The following PTPRS variants were observed in gnomAD, a reference collection of about 807,000 sequenced individuals.
The protein encoded by PTPRS is receptor-type tyrosine-protein phosphatase S.
In PTPRS, 63 loss-of-function variants were observed where a neutral mutation model predicts 215.3. The ratio of observed to expected loss-of-function variants is 0.29; its 90% CI spans 0.24 to 0.36. PTPRS has a LOEUF of 0.36. Among genes scored for constraint, PTPRS ranks in the 10% least tolerant of loss-of-function variants. PTPRS has a pLI of 1.00. For synonymous variants in PTPRS, 1,404 were observed against 1,191.4 expected (o/e 1.18, Z -3.68); for missense variants, 2,258 against 2,825.8 (o/e 0.80, Z 4.56).
Position 5,211,272 on chromosome 19 carries a change from C to A in PTPRS, c.5234+318G>T, listed in dbSNP as rs2040853583. On this transcript the variant is annotated intron_variant, in intron 33 of 37. Transcript: ENST00000262963. ...CTGTGTACTGTAGGATGCTGAGCAG[C>A]ATGCCTGGTCCCCACCCAGGCAGTA... 1.3e-5 allele frequency among the ~76,000 whole-genome samples: 2 copies of A among 152,182 alleles called. 1 individual carries two copies. Among genetic ancestry groups the A allele is most frequent in the Admixed American group, 1.3e-4 (2 of 15,282 alleles).
intron 25 of PTPRS, 24 bp from the exon 26 acceptor site, chr19:5,216,791 A>G: frequency 6.6e-7 from 1 of 1,523,664 alleles, no homozygotes; most frequent in East Asian, 2.4e-5. Flanking sequence ...ACAATAAATA[A>G]ATGAAAACAT....
chr19:5,284,273 T>G (rs1390883919), intron 2 of PTPRS, among the ~76,000 whole-genome samples: 1 of 151,792 alleles, frequency 6.6e-6, no homozygotes, highest in East Asian at 1.9e-4. Context: ...GGCAGGAGGA[T>G]CGCTTGAATC....
At chr19:5,297,930 T>C (rs1309326630) in intron 1 of PTPRS, among the ~76,000 whole-genome samples, 1 of 151,864 alleles carries the variant, frequency 6.6e-6, no homozygotes, top group Non-Finnish European at 1.5e-5. Context: ...GTAGCTGGGA[T>C]TACAGGCGCA....
intron 18 of PTPRS, 140 bp from the exon 19 acceptor site, chr19:5,222,360 T>C: frequency 2.7e-6 from 2 of 747,146 alleles, no homozygotes; most frequent in Admixed American, 4.3e-5. Context: ...ACGGCCTTCC[T>C]GCCTGGCCCT....
Position 5,287,118 on chromosome 19 carries a change from T to C in PTPRS, c.-94-884A>G, listed in dbSNP as rs1337224883. Among the ~76,000 whole-genome samples the C allele has an allele frequency of 6.6e-6, 1 of 152,164 alleles. No homozygotes were observed. Among genetic ancestry groups the C allele is most frequent in the Non-Finnish European group, 1.5e-5 (1 of 68,030 alleles). On this transcript the variant is annotated intron_variant, in intron 1 of 37. Transcript: ENST00000262963. This position sits in a 1 kb window ranked among gnomAD's most constrained non-coding sequence, Gnocchi z 4.8. The stretch of plus-strand genomic sequence containing the variant: ...TGCTGACTTCACTGTTTCCTCTCGC[T>C]TGGAGGTACAGCCAGGCCAGCCAAG...
rs1275766540 is a variant in PTPRS at position 5,221,041 on chromosome 19, G to A, written c.3414C>T (p.Ile1138=). Residue 1138 remains isoleucine, a synonymous_variant, in exon 20 of 38, where the codon ATC becomes ATT. Coordinates refer to ENST00000262963, the MANE Select transcript of PTPRS (RefSeq NM_002850.4). ...TCTGGCCGTCAGGAAGATACACCATGATGAAGCCGTCAGCATCAGGCTTGG... is the reference window on the plus strand; with the variant it reads ...TCTGGCCGTCAGGAAGATACACCATAATGAAGCCGTCAGCATCAGGCTTGG... The part of the protein sequence containing the change: ...VAPKPDADGF[I]MVYLPDGQSP... The A allele has an allele frequency of 6.2e-6, 10 of 1,613,490 alleles. No individual in the cohort carries two copies. Among genetic ancestry groups the A allele is most frequent in the African/African-American group, 4.0e-5 (3 of 74,904 alleles).
At chr19:5,225,067 C>T (rs917063315) in intron 17 of PTPRS, among the ~76,000 whole-genome samples, 11 of 151,850 alleles carry the variant, frequency 7.2e-5, no homozygotes, top group Non-Finnish European at 1.3e-4. Flanking sequence ...CCTCCCCTTA[C>T]ATCTTCACGG....
At chr19:5,231,987 C>T (rs1260667623) in intron 13 of PTPRS, among the ~76,000 whole-genome samples, 24 of 152,198 alleles carry the variant, frequency 1.6e-4, no homozygotes, top group Admixed American at 1.5e-3. Flanking sequence ...TGCTTGGCAT[C>T]GTGCCAAGGG....
At position 5,261,494 on chromosome 19, in the gene PTPRS, G is replaced by A. The variant is rs1008098334; in HGVS notation, c.578-672C>T. Among the ~76,000 whole-genome samples, 101 of 152,174 alleles carry A rather than the reference G, an allele frequency of 6.6e-4. 6 individuals are homozygous for A. Among genetic ancestry groups the A allele is most frequent in the Non-Finnish European group, 3.1e-4 (21 of 68,038 alleles). On this transcript the variant is annotated intron_variant, in intron 6 of 37. Transcript: ENST00000262963. ...CTGCAAAGCAGGAAAAGGCGGCTCG[G>A]GGCTGGAACGTTACTCCCTCTGCTC... is the stretch of plus-strand genomic sequence containing the variant.
At chr19:5,217,691 G>A (rs2041609109) in intron 25 of PTPRS, among the ~76,000 whole-genome samples, 3 of 152,244 alleles carry the variant, frequency 2.0e-5, no homozygotes, top group Admixed American at 1.3e-4. Flanking sequence ...ATACGAAGTG[G>A]AGACCGGGTA....
chr19:5,247,711 G>A (rs1033476410), intron 9 of PTPRS, among the ~76,000 whole-genome samples: 4 of 151,946 alleles, frequency 2.6e-5, no homozygotes, highest in African/African-American at 9.7e-5. Context: ...TCTGGTCTAC[G>A]ATGCTGAGGA....
At chr19:5,305,272 A>G (rs79744078) in intron 1 of PTPRS, among the ~76,000 whole-genome samples, 4,278 of 152,268 alleles carry the variant, frequency 0.028, 173 homozygotes, top group South Asian at 0.16. Flanking sequence ...TTTGCCGAGC[A>G]TGGTGGCTCA....
intron 1 of PTPRS, among the ~76,000 whole-genome samples, chr19:5,297,323 A>C (rs1015659804): frequency 2.0e-5 from 3 of 152,214 alleles, no homozygotes; most frequent in African/African-American, 7.2e-5. Context: ...AATCAGCATA[A>C]AGAAGAAAAT....
At chr19:5,232,111 G>C (rs2043068081) in intron 13 of PTPRS, among the ~76,000 whole-genome samples, 1 of 151,692 alleles carries the variant, frequency 6.6e-6, no homozygotes, top group South Asian at 2.1e-4. Context: ...CAGGCACCAT[G>C]CCAAAGGGAA....
At chr19:5,241,949 C>T (rs2044076123) in intron 11 of PTPRS, among the ~76,000 whole-genome samples, 1 of 152,236 alleles carries the variant, frequency 6.6e-6, no homozygotes, top group Non-Finnish European at 1.5e-5. Context: ...GATTCACCTG[C>T]CTCAGCCTCT....
chr19:5,337,143 T>C (rs2050530571), intron 1 of PTPRS, among the ~76,000 whole-genome samples: 1 of 152,208 alleles, frequency 6.6e-6, no homozygotes. Context: ...AAATGGAGCT[T>C]AATGGGTAGC....
chr19:5,279,363 TTTC>T (rs1462093746), intron 2 of PTPRS, among the ~76,000 whole-genome samples: 18 of 151,724 alleles, frequency 1.2e-4, no homozygotes, highest in South Asian at 8.3e-4. Flanking sequence ...TATTTTATTT[TTTC>T]TTCTTCTTCT....
Position 5,212,484 on chromosome 19 carries a change from G to A in PTPRS, c.4622C>T (p.Ser1541Phe). Residue 1541 changes from serine to phenylalanine, a missense_variant, in exon 31 of 38, where the codon TCC becomes TTC. Physicochemically the swap from Ser to Phe is radical, Grantham distance 155. This residue lies in a region of PTPRS where 927 missense variants were observed against 1,125.9 expected (regional missense o/e 0.82). Coordinates refer to ENST00000262963, the MANE Select transcript of PTPRS (RefSeq NM_002850.4). The stretch of plus-strand genomic sequence containing the variant: ...CTGGCGGACCTCGCGTTTCTCACTG[G>A]AGCCATTCTGGGGACCACAAGGATG... ...VRTFSLHKNG[S>F]SEKREVRQFQ... 4.4e-6 allele frequency: 7 copies of A among 1,589,346 alleles called. No homozygotes were observed. Among genetic ancestry groups the A allele is most frequent in the Non-Finnish European group, 5.1e-6 (6 of 1,167,514 alleles).
intron 2 of PTPRS, chr19:5,278,222 G>T (rs2047560329): frequency 5.3e-6 from 2 of 377,292 alleles, no homozygotes; most frequent in African/African-American, 2.1e-5. Context: ...TGGGGGAAAG[G>T]ATGCTTTTTT....
Sources: gnomAD v4.1 joint callset for allele counts (sites outside exome capture counted in the v4.1 genomes callset) on GRCh38, gnomAD v4.1.1 for gene constraint, gnomAD v4.1.1 regional missense constraint, Gnocchi (gnomAD v3.1) non-coding constraint, MANE v1.5 for transcripts, NCBI Gene and HGNC (gene_info 2026-07-23, HGNC 2026-07-21) for gene names.